AUH: variants seen among roughly 807,000 people sequenced by gnomAD.
The protein encoded by AUH is methylglutaconyl-CoA hydratase, mitochondrial.
A neutral mutation model predicts 42.3 loss-of-function variants in AUH; 29 were observed. That is an observed-to-expected ratio of 0.69 (90% CI 0.51 to 0.93). The LOEUF (loss-of-function observed/expected upper bound fraction) is 0.93. Among genes scored for constraint, AUH ranks in the 40% least tolerant of loss-of-function variants. The pLI is 0.00. For synonymous variants in AUH, 174 were observed against 166.4 expected (o/e 1.05, Z -0.35); for missense variants, 452 against 438.1 (o/e 1.03, Z -0.28).
chr9:91,340,282 A>C (rs1363944532), intron 3 of AUH, among the ~76,000 whole-genome samples: 1 of 152,232 alleles, frequency 6.6e-6, no homozygotes, highest in Non-Finnish European at 1.5e-5. Flanking sequence ...ATCTGTCACA[A>C]AACAAAACCA....
chr9:91,286,771 A>C (rs114634191), intron 6 of AUH, among the ~76,000 whole-genome samples: 1,609 of 152,002 alleles, frequency 0.011, 29 homozygotes, highest in African/African-American at 0.036. Context: ...TACCTACCTA[A>C]CTACCTATCG....
intron 6 of AUH, among the ~76,000 whole-genome samples, chr9:91,225,030 G>C (rs1827356859): frequency 6.6e-6 from 1 of 152,190 alleles, no homozygotes; most frequent in Non-Finnish European, 1.5e-5. Context: ...CTCCGGAATA[G>C]TTACCCCAAA....
intron 3 of AUH, among the ~76,000 whole-genome samples, chr9:91,352,575 C>T (rs1832075222): frequency 6.6e-6 from 1 of 151,934 alleles, no homozygotes; most frequent in African/African-American, 2.4e-5. Context: ...CTTAATAATG[C>T]TAAATAATAG....
intron 3 of AUH, among the ~76,000 whole-genome samples, 195 bp from the exon 4 acceptor site, chr9:91,325,599 T>TATAG (rs1829914745): frequency 6.6e-6 from 1 of 152,214 alleles, no homozygotes; most frequent in African/African-American, 2.4e-5. Context: ...TTCATACGTC[T>TATAG]ACCATGTGCT....
intron 6 of AUH, among the ~76,000 whole-genome samples, chr9:91,228,662 ATCTTTCCTGCTTTC>A (rs1164559042): frequency 6.9e-5 from 10 of 145,782 alleles, no homozygotes; most frequent in African/African-American, 2.6e-4. Context: ...TCAATTTTGG[ATCTTTCCTGCTTTC>A]TCTTGTGGGC....
intron 6 of AUH, among the ~76,000 whole-genome samples, chr9:91,250,804 A>C (rs1401388822): frequency 1.3e-5 from 2 of 152,218 alleles, no homozygotes; most frequent in Non-Finnish European, 2.9e-5. Context: ...AGTCGCCCTC[A>C]AGACAAGCCT....
intron 5 of AUH, among the ~76,000 whole-genome samples, chr9:91,296,699 G>C (rs1687728586): frequency 6.6e-6 from 1 of 152,084 alleles, no homozygotes; most frequent in Non-Finnish European, 1.5e-5. Flanking sequence ...TTCAGAAATG[G>C]ATTACATGTA....
intron 4 of AUH, among the ~76,000 whole-genome samples, chr9:91,317,838 T>G (rs1417843100): frequency 1.3e-5 from 2 of 152,238 alleles, no homozygotes; most frequent in Non-Finnish European, 2.9e-5. Flanking sequence ...TGAATACATG[T>G]TGATATTTCT....
chr9:91,269,499 C>T (rs1268108523), intron 6 of AUH, among the ~76,000 whole-genome samples: 1 of 152,098 alleles, frequency 6.6e-6, no homozygotes, highest in Non-Finnish European at 1.5e-5. Context: ...GAAAGATAAA[C>T]ATTTAAATTA....
chr9:91,352,399 A>C (rs989765304), intron 3 of AUH, among the ~76,000 whole-genome samples: 8 of 152,132 alleles, frequency 5.3e-5, no homozygotes, highest in African/African-American at 1.9e-4. Context: ...AAAATAAAGT[A>C]AAATACTAGG....
At chr9:91,333,509 TAC>T (rs1345986123) in intron 3 of AUH, among the ~76,000 whole-genome samples, 2 of 152,350 alleles carry the variant, frequency 1.3e-5, no homozygotes, top group African/African-American at 4.8e-5. Flanking sequence ...AACTATTAAA[TAC>T]TAAATATAAA....
At chr9:91,294,616 T>C (rs1167700915) in intron 6 of AUH, 8 of 438,696 alleles carry the variant, frequency 1.8e-5, no homozygotes, top group South Asian at 8.3e-5. Context: ...ATTCCTCTTA[T>C]GGATCTGGGC....
chr9:91,330,217 T>G (rs1830231300), intron 3 of AUH, among the ~76,000 whole-genome samples: 1 of 152,134 alleles, frequency 6.6e-6, no homozygotes, highest in African/African-American at 2.4e-5. Flanking sequence ...AGATATCACT[T>G]TCAAAACATC....
chr9:91,242,136 G>T (rs10991840), intron 6 of AUH, among the ~76,000 whole-genome samples: 1,598 of 152,286 alleles, frequency 0.01, 27 homozygotes, highest in East Asian at 0.043. Context: ...ACAAGGCATT[G>T]CCAGGGCGAG....
At chr9:91,353,339 A>T (rs564229202) in intron 3 of AUH, among the ~76,000 whole-genome samples, 1 of 152,116 alleles carries the variant, frequency 6.6e-6, no homozygotes, top group South Asian at 2.1e-4. Context: ...ACCCACCTCG[A>T]CTTCCAAAGT....
chr9:91,268,155 C>A (rs186753592), intron 6 of AUH, among the ~76,000 whole-genome samples: 1 of 152,276 alleles, frequency 6.6e-6, no homozygotes, highest in Non-Finnish European at 1.5e-5. Flanking sequence ...TAGCTTTTTA[C>A]CATTAAAACT....
At chr9:91,318,312 G>A (rs1465517430) in intron 4 of AUH, among the ~76,000 whole-genome samples, 4 of 152,186 alleles carry the variant, frequency 2.6e-5, no homozygotes, top group Non-Finnish European at 2.9e-5. Context: ...GCTTCAAACT[G>A]CTTTTAGAAA....
chr9:91,234,996 GC>G (rs1330464360), intron 6 of AUH, among the ~76,000 whole-genome samples: 9 of 151,750 alleles, frequency 5.9e-5, no homozygotes, highest in Non-Finnish European at 7.4e-5. Context: ...TAAAGATGAG[GC>G]AGAGTATGGC....
intron 7 of AUH, among the ~76,000 whole-genome samples, chr9:91,217,637 G>A (rs1322181955): frequency 1.3e-5 from 2 of 152,172 alleles, no homozygotes; most frequent in East Asian, 3.8e-4. Context: ...TAGAAGTTAA[G>A]TAGAGGAAGG....
Sources: allele counts gnomAD v4.1 joint callset (sites outside exome capture counted in the v4.1 genomes callset), GRCh38; gene constraint gnomAD v4.1.1; transcripts MANE v1.5; gene names NCBI Gene and HGNC (gene_info 2026-07-23, HGNC 2026-07-21).